TRPM5: variants seen among roughly 807,000 people sequenced by gnomAD.
TRPM5 encodes MLSN1 and TRP-related.
A neutral mutation model predicts 124.9 loss-of-function variants in TRPM5; 121 were observed. The ratio of observed to expected loss-of-function variants is 0.97; its 90% CI spans 0.84 to 1.13. The LOEUF (loss-of-function observed/expected upper bound fraction) is 1.13, where lower values mean the gene tolerates loss of function less well. TRPM5 is among the 50% of genes most tolerant of loss of function. The pLI is 0.00. For synonymous variants in TRPM5, 781 were observed against 700.5 expected, an observed-to-expected ratio of 1.11 and a Z score of -1.81; for missense variants, 1,643 against 1,589.1, an observed-to-expected ratio of 1.03 and a Z score of -0.58.
the TRPM5 span, among the ~76,000 whole-genome samples, chr11:2,429,003 G>C: frequency 6.6e-6 from 1 of 151,652 alleles, no homozygotes; most frequent in Non-Finnish European, 1.5e-5. This position sits in a 1 kb window ranked among gnomAD's most constrained non-coding sequence, Gnocchi z 8.4. Flanking sequence ...TGGAGGGGAT[G>C]GTGGTGGTGA....
the TRPM5 span, among the ~76,000 whole-genome samples, chr11:2,434,435 G>A: frequency 1.4e-5 from 2 of 147,280 alleles, no homozygotes; most frequent in Admixed American, 1.3e-4. Context: ...CGGACACTGT[G>A]TGTCCGGCTG....
intron 18 of TRPM5, among the ~76,000 whole-genome samples, chr11:2,408,944 T>A (rs1850383970): frequency 6.6e-6 from 1 of 152,200 alleles, no homozygotes; most frequent in Admixed American, 6.5e-5. Context: ...GTGAGCACAC[T>A]GGCACACACG....
Position 2,418,608 on chromosome 11 carries a change from C to A in TRPM5, c.650-17G>T, listed in dbSNP as rs762183267. 5 of 1,607,448 alleles carry A rather than the reference C, an allele frequency of 3.1e-6. No homozygotes were observed. Among genetic ancestry groups the A allele is most frequent in the Admixed American group, 1.7e-5 (1 of 59,384 alleles). On this transcript the variant is annotated splice_polypyrimidine_tract_variant and intron_variant, in intron 4 of 23. Coordinates refer to ENST00000155858, the Ensembl canonical transcript of TRPM5. ...TGCCAGTGCCTGTGGACAGGGCACCCGTGAGGCCTGAGGACCCTCCGCCTG... is the reference window on the plus strand; with the variant it reads ...TGCCAGTGCCTGTGGACAGGGCACCAGTGAGGCCTGAGGACCCTCCGCCTG...
chr11:2,416,231 C>G (rs2133523315), intron 7 of TRPM5, among the ~76,000 whole-genome samples: 1 of 152,358 alleles, frequency 6.6e-6, no homozygotes. Context: ...CTGCCCTGGT[C>G]TGCGTCGGGA....
In TRPM5 at chr11:2,418,403, C is replaced by T. The variant is rs117066192; in HGVS notation, c.715-45G>A. 1,978 of 1,529,346 alleles carry T rather than the reference C, an allele frequency of 1.3e-3. 11 individuals carry two copies. The highest frequency in any genetic ancestry group is 0.011 in the African/African-American group (777 of 72,356). The allele number at this position is 1,529,346 out of a possible 1,614,324, so 94.7% of individuals were successfully genotyped here. On this transcript the variant is annotated intron_variant, in intron 5 of 23. Transcript: ENST00000155858. ...GAGAGCGGACCCCAGATTAGCCCGA[C>T]GACATCTGGATGCAGGTGTCAGGGG...
intron 2 of TRPM5, 94 bp from the exon 8 acceptor site, chr11:2,421,292 GTT>G: frequency 7.1e-7 from 1 of 1,409,964 alleles, no homozygotes; most frequent in South Asian, 1.4e-5. Flanking sequence ...TCAGCAGCCA[GTT>G]ACCTGGGAGC....
chr11:2,408,411 C>T (rs781337858), intron 18 of TRPM5, among the ~76,000 whole-genome samples: 3 of 152,232 alleles, frequency 2.0e-5, no homozygotes, highest in Non-Finnish European at 4.4e-5. Context: ...TGTGATTAAA[C>T]CCCAAGCTGG....
chr11:2,436,078 C>G, the TRPM5 span, among the ~76,000 whole-genome samples: 1 of 152,260 alleles, frequency 6.6e-6, no homozygotes, highest in South Asian at 2.1e-4. Context: ...TGACCTCCCC[C>G]ACACCGTAAC....
chr11:2,404,660 T>C, exon 24 of TRPM5: 2 of 490,874 alleles, frequency 4.1e-6, no homozygotes. Flanking sequence ...CTGGTCAGTT[T>C]CCAGGTAGGG....
intron 18 of TRPM5, among the ~76,000 whole-genome samples, chr11:2,408,693 C>T (rs1408408812): frequency 6.6e-6 from 1 of 152,246 alleles, no homozygotes; most frequent in Admixed American, 6.5e-5. Context: ...CACCCCACCC[C>T]AGCCTGCGGG....
At chr11:2,425,093 T>C (rs1231778232), upstream of TRPM5, among the ~76,000 whole-genome samples, 1 of 152,096 alleles carries the variant, frequency 6.6e-6, no homozygotes, top group African/African-American at 2.4e-5. Flanking sequence ...TGGTTTTCTG[T>C]GTTGGGAGCT....
At chr11:2,444,060 C>T in the TRPM5 span, among the ~76,000 whole-genome samples, 1 of 152,148 alleles carries the variant, frequency 6.6e-6, no homozygotes, top group South Asian at 2.1e-4. Flanking sequence ...GCCTGCTATG[C>T]CCGGCAGTCA....
intron 4 of TRPM5, among the ~76,000 whole-genome samples, chr11:2,419,565 G>A (rs113113164): frequency 8.6e-5 from 13 of 150,566 alleles, no homozygotes; most frequent in African/African-American, 1.5e-4. Flanking sequence ...GCAGTGAGCC[G>A]AGATTGCACT....
intron 11 of TRPM5, 34 bp downstream of exon 16, chr11:2,414,681 C>CT (rs386372927): frequency 5.7e-6 from 8 of 1,399,302 alleles, no homozygotes; most frequent in South Asian, 2.6e-5. Context: ...TCCTCCCCCG[C>CT]GCGCGGGCCC....
rs767575993 is a variant in TRPM5 at position 2,405,920 on chromosome 11, C to T, written c.3324+99G>A. The T allele has an allele frequency of 4.1e-5, 47 of 1,145,788 alleles. No homozygotes were observed. The East Asian group carries it at 1.1e-3, about 28-fold the overall frequency. 71.0% of individuals were successfully genotyped at this position (1,145,788 alleles called of 1,614,324 possible). On this transcript the variant is annotated intron_variant, in intron 22 of 23. Coordinates refer to ENST00000155858, the Ensembl canonical transcript of TRPM5. ...CTCCTGTCCTGGCTCTGGCCTGCCT[C>T]ATCTCTGTGAGTGACCGGGCAGGGC...
intron 1 of TRPM5, 114 bp downstream of exon 6, chr11:2,422,806 A>T: frequency 1.1e-6 from 1 of 890,032 alleles, no homozygotes; most frequent in South Asian, 1.3e-5. Flanking sequence ...GCCCCAGGGG[A>T]GCAGACCCCA....
chr11:2,412,884 T>G (rs762040638), exon 15 of TRPM5: 1 of 1,597,682 alleles, frequency 6.3e-7, no homozygotes, highest in Non-Finnish European at 8.5e-7. Context: ...GAAGGCGAAG[T>G]ACATGACCAC....
rs539271786 is a variant in TRPM5 at position 2,422,194 on chromosome 11, G to T, written c.245C>A (p.Ser82Tyr). The change falls in exon 2 of 24, where the codon TCC becomes TAC. Residue 82 changes from serine to tyrosine, a missense_variant. By Grantham distance (144) the Ser-to-Tyr change is moderately radical. Transcript: ENST00000155858. The stretch of plus-strand genomic sequence containing the variant: ...CTTGCGCAGCACATCCCGCAGCCAG[G>T]ACTTCATGGCGAAAGGCTGCTCCTC... 6 of 1,612,326 alleles carry T rather than the reference G, an allele frequency of 3.7e-6. No homozygotes were observed. In the South Asian group the frequency reaches 6.6e-5, roughly 18 times the overall value.
intron 20 of TRPM5, 96 bp from the exon 26 acceptor site, chr11:2,406,889 GGAGT>G (rs962325775): frequency 6.6e-7 from 1 of 1,504,638 alleles, no homozygotes; most frequent in East Asian, 2.3e-5. Context: ...CCAGGCAGAA[GGAGT>G]GAGTGGGGCC....
Sources: allele counts gnomAD v4.1 joint callset (sites outside exome capture counted in the v4.1 genomes callset), GRCh38; gene constraint gnomAD v4.1.1; non-coding constraint Gnocchi (gnomAD v3.1); transcripts MANE v1.5; gene names NCBI Gene and HGNC (gene_info 2026-07-23, HGNC 2026-07-21).